Variants in SOCS5 observed in about 807,000 individuals in gnomAD.
SOCS5 encodes suppressor of cytokine signaling 5.
In SOCS5, 32 loss-of-function variants were observed where a neutral mutation model predicts 42.8. The observed-to-expected ratio is 0.75, with a 90% CI of 0.56 to 1.01. The LOEUF is 1.01. Ranked by LOEUF, SOCS5 falls within the 50% of genes least tolerant of loss-of-function variation. The pLI is 0.00. For synonymous variants in SOCS5, 283 were observed against 229.6 expected (o/e 1.23, Z -2.10); for missense variants, 627 against 653.0 (o/e 0.96, Z 0.43).
chr2:46,722,882 G>C (rs905056961), intron 1 of SOCS5, among the ~76,000 whole-genome samples: 2 of 151,874 alleles, frequency 1.3e-5, no homozygotes, highest in Non-Finnish European at 2.9e-5. Context: ...TGTCATTTTG[G>C]CTTTAATTTG....
chr2:46,732,800 T>G (rs1673154480), intron 1 of SOCS5, among the ~76,000 whole-genome samples: 1 of 152,178 alleles, frequency 6.6e-6, no homozygotes, highest in Admixed American at 6.5e-5. Flanking sequence ...CACTGGCAAC[T>G]GTGTCCTTTC....
At chr2:46,739,157 G>A (rs551537382) in intron 1 of SOCS5, among the ~76,000 whole-genome samples, 2 of 152,214 alleles carry the variant, frequency 1.3e-5, no homozygotes, top group African/African-American at 4.8e-5. Flanking sequence ...TCTCAGAATG[G>A]CTCTTTTTGT....
intron 1 of SOCS5, among the ~76,000 whole-genome samples, chr2:46,739,192 A>G (rs1360219899): frequency 6.6e-6 from 1 of 152,162 alleles, no homozygotes; most frequent in Non-Finnish European, 1.5e-5. Context: ...ACATAACCAT[A>G]TGGAGTCAAA....
chr2:46,724,173 G>A (rs1362029662), intron 1 of SOCS5, among the ~76,000 whole-genome samples: 1 of 150,506 alleles, frequency 6.6e-6, no homozygotes, highest in African/African-American at 2.4e-5. Flanking sequence ...GGATTTCTGT[G>A]TAAATAAATA....
rs2103704980 is a variant in SOCS5 at position 46,716,360 on chromosome 2, T to C, written c.-13+16911T>C. 1.4e-5 allele frequency among the ~76,000 whole-genome samples: 2 copies of C among 139,550 alleles called. 1 individual carries two copies. The highest frequency in any genetic ancestry group is 4.6e-4 in the South Asian group (2 of 4,320). 91.6% of individuals were successfully genotyped at this position (139,550 alleles called of 152,430 possible). A position where few individuals can be genotyped will look rare whatever the true frequency, so the allele number is the denominator to read the frequency against. On this transcript the variant is annotated intron_variant, in intron 1 of 1. Transcript: ENST00000394861. ...TTTTAATGGATTTCATGATGTTGAG[T>C]GTCTTCATTTTTTTTTTTTTTTTTT...
At chr2:46,706,918 C>G (rs115289336) in intron 1 of SOCS5, among the ~76,000 whole-genome samples, 1 of 152,132 alleles carries the variant, frequency 6.6e-6, no homozygotes, top group South Asian at 2.1e-4. Flanking sequence ...AAAGTACCAA[C>G]GGCAGCATTT....
intron 1 of SOCS5, among the ~76,000 whole-genome samples, chr2:46,740,748 T>G (rs1198868410): frequency 6.6e-6 from 1 of 152,098 alleles, no homozygotes; most frequent in Non-Finnish European, 1.5e-5. Flanking sequence ...CTACTGCTCC[T>G]CTTGCTGCTT....
chr2:46,710,386 C>T (rs907188902), intron 1 of SOCS5, among the ~76,000 whole-genome samples: 1 of 152,142 alleles, frequency 6.6e-6, no homozygotes, highest in African/African-American at 2.4e-5. Flanking sequence ...ACCTCGTGAT[C>T]CACCCACCTC....
chr2:46,749,413 C>T (rs1041850706), intron 1 of SOCS5, among the ~76,000 whole-genome samples: 2 of 152,114 alleles, frequency 1.3e-5, no homozygotes, highest in East Asian at 3.9e-4. Context: ...CTAGTGGGAG[C>T]TTGAATTTGA....
At chr2:46,716,244 T>C (rs575648096) in intron 1 of SOCS5, among the ~76,000 whole-genome samples, 2 of 151,820 alleles carry the variant, frequency 1.3e-5, no homozygotes, top group South Asian at 4.1e-4. Flanking sequence ...ATAGCTGTTA[T>C]AAGGTCTTTT....
chr2:46,742,756 C>T (rs1673406714), intron 1 of SOCS5, among the ~76,000 whole-genome samples: 1 of 152,026 alleles, frequency 6.6e-6, no homozygotes, highest in Non-Finnish European at 1.5e-5. Flanking sequence ...TCCTCTGCCT[C>T]CCAGGTTTAA....
chr2:46,709,987 C>A (rs977144794), intron 1 of SOCS5, among the ~76,000 whole-genome samples: 2 of 152,070 alleles, frequency 1.3e-5, no homozygotes, highest in African/African-American at 4.8e-5. Flanking sequence ...GTCTCCACCC[C>A]CCATGCTTGA....
At chr2:46,748,194 T>TC (rs970278180) in intron 1 of SOCS5, among the ~76,000 whole-genome samples, 1 of 150,600 alleles carries the variant, frequency 6.6e-6, no homozygotes, top group Non-Finnish European at 1.5e-5. Flanking sequence ...TTTTTCTTTT[T>TC]TTTTTTTTTT....
At chr2:46,737,348 C>G (rs867957723) in intron 1 of SOCS5, among the ~76,000 whole-genome samples, 2 of 152,098 alleles carry the variant, frequency 1.3e-5, no homozygotes, top group Non-Finnish European at 2.9e-5. Flanking sequence ...AATGTTATAG[C>G]TGTAGCTTGA....
chr2:46,709,658 T>C (rs1018940297), intron 1 of SOCS5, among the ~76,000 whole-genome samples: 1 of 152,194 alleles, frequency 6.6e-6, no homozygotes, highest in African/African-American at 2.4e-5. Flanking sequence ...AAAATGCCTA[T>C]TTTGAGTTGG....
rs370312752 is a variant in SOCS5 at position 46,718,855 on chromosome 2, A to G, written c.-13+19406A>G. On this transcript the variant is annotated intron_variant, in intron 1 of 1. Coordinates refer to ENST00000394861, the MANE Select transcript of SOCS5 (RefSeq NM_144949.3). ...AAATATCTTGCTGGTAGGAACATAC[A>G]GTGATACAGCTTTCTAAATGGCAGT... 4.4e-4 allele frequency among the ~76,000 whole-genome samples: 67 copies of G among 152,358 alleles called. 3 individuals carry two copies. The highest frequency in any genetic ancestry group is 3.4e-3 in the Middle Eastern group (1 of 294).
At chr2:46,721,159 A>C (rs1375469504) in intron 1 of SOCS5, among the ~76,000 whole-genome samples, 1 of 152,090 alleles carries the variant, frequency 6.6e-6, no homozygotes, top group African/African-American at 2.4e-5. Context: ...CTTTAAATGA[A>C]TTTATTTTCT....
intron 1 of SOCS5, among the ~76,000 whole-genome samples, chr2:46,719,239 A>G (rs1672825361): frequency 6.6e-6 from 1 of 152,186 alleles, no homozygotes; most frequent in Admixed American, 6.5e-5. Flanking sequence ...TACATGTCCA[A>G]TCCTTTTTTC....
At chr2:46,731,458 C>T (rs1018289330) in intron 1 of SOCS5, among the ~76,000 whole-genome samples, 8 of 152,152 alleles carry the variant, frequency 5.3e-5, no homozygotes, top group Admixed American at 2.6e-4. Flanking sequence ...ATGGTGTTTT[C>T]GTTATGACAG....
Sources: allele counts gnomAD v4.1 joint callset (sites outside exome capture counted in the v4.1 genomes callset), GRCh38; gene constraint gnomAD v4.1.1; transcripts MANE v1.5; gene names NCBI Gene and HGNC (gene_info 2026-07-23, HGNC 2026-07-21).